KCNQ5: variants seen among roughly 807,000 people sequenced by gnomAD.
KCNQ5 encodes potassium voltage-gated channel subfamily Q member 5.
KCNQ5 carries 30 observed loss-of-function variants against 98.2 expected under a neutral mutation model. The observed-to-expected ratio is 0.31, with a 90% CI of 0.23 to 0.41. KCNQ5 has a LOEUF of 0.41. Ranked by LOEUF, KCNQ5 falls within the 10% of genes least tolerant of loss-of-function variation. The pLI, the probability that KCNQ5 is intolerant of heterozygous loss-of-function variation, is 1.00. For missense variants in KCNQ5, 835 were observed against 1,182.5 expected, an observed-to-expected ratio of 0.71 and a Z score of 4.31; for synonymous variants, 458 against 449.4, an observed-to-expected ratio of 1.02 and a Z score of -0.24.
intron 1 of KCNQ5, among the ~76,000 whole-genome samples, chr6:72,687,685 T>C (rs73756010): frequency 0.063 from 9,634 of 152,194 alleles, 1,051 homozygotes; most frequent in African/African-American, 0.22. Context: ...TTTACTTCTG[T>C]TTATATTATA....
chr6:72,629,251 GT>G (rs1254381778), intron 1 of KCNQ5, among the ~76,000 whole-genome samples: 2 of 152,134 alleles, frequency 1.3e-5, no homozygotes, highest in African/African-American at 4.8e-5. Context: ...TCTGAATTAA[GT>G]TTATGTCTGT....
At chr6:73,132,390 A>G (rs1046930127) in intron 9 of KCNQ5, among the ~76,000 whole-genome samples, 2 of 152,094 alleles carry the variant, frequency 1.3e-5, no homozygotes, top group African/African-American at 2.4e-5. Flanking sequence ...TTCACTATAA[A>G]GGAAACAAGA....
chr6:72,981,910 T>G (rs1348603430), intron 1 of KCNQ5, among the ~76,000 whole-genome samples: 2 of 152,192 alleles, frequency 1.3e-5, no homozygotes, highest in African/African-American at 2.4e-5. Flanking sequence ...ATTTCGTTAT[T>G]TACCCAGTAG....
chr6:73,101,078 A>G (rs922117241), intron 5 of KCNQ5, among the ~76,000 whole-genome samples: 1 of 152,194 alleles, frequency 6.6e-6, no homozygotes, highest in Non-Finnish European at 1.5e-5. Flanking sequence ...ACTAATACCA[A>G]TCCTGCTCAA....
chr6:73,156,501 T>C (rs1777366599), intron 10 of KCNQ5, among the ~76,000 whole-genome samples: 1 of 152,122 alleles, frequency 6.6e-6, no homozygotes, highest in Non-Finnish European at 1.5e-5. Flanking sequence ...GGTGCGCACC[T>C]GTAGTCCCAG....
At chr6:72,911,215 T>G (rs1779929801) in intron 1 of KCNQ5, among the ~76,000 whole-genome samples, 1 of 151,962 alleles carries the variant, frequency 6.6e-6, no homozygotes, top group Non-Finnish European at 1.5e-5. Context: ...AACCCCAAAT[T>G]TATGTTGAAA....
chr6:73,148,050 C>T (rs1776992746), intron 10 of KCNQ5, among the ~76,000 whole-genome samples: 1 of 151,850 alleles, frequency 6.6e-6, no homozygotes, highest in Admixed American at 6.6e-5. Flanking sequence ...AGAAAGAAAA[C>T]AAATTTTAAT....
chr6:73,026,377 C>T (rs74420136), intron 2 of KCNQ5, among the ~76,000 whole-genome samples: 2,578 of 152,288 alleles, frequency 0.017, 25 homozygotes, highest in Middle Eastern at 0.054. Flanking sequence ...CTCATTCACA[C>T]TCAGAGTTTT....
At chr6:73,192,770 C>T in intron 13 of KCNQ5, 79 bp downstream of exon 13, 2 of 1,169,252 alleles carry the variant, frequency 1.7e-6, no homozygotes, top group Non-Finnish European at 2.3e-6. Flanking sequence ...TGTATGTATT[C>T]CAGTGATTAT....
chr6:72,921,708 G>A (rs1428033465), intron 1 of KCNQ5, among the ~76,000 whole-genome samples: 2 of 152,142 alleles, frequency 1.3e-5, no homozygotes, highest in Non-Finnish European at 2.9e-5. Flanking sequence ...CACTCAGTAA[G>A]TATTTATTAA....
At chr6:72,632,088 ATTTCC>A (rs1022571308) in intron 1 of KCNQ5, among the ~76,000 whole-genome samples, 1 of 145,568 alleles carries the variant, frequency 6.9e-6, no homozygotes, top group Non-Finnish European at 1.5e-5. Flanking sequence ...ACTATATTTT[ATTTCC>A]TTTACTTTGC....
intron 10 of KCNQ5, among the ~76,000 whole-genome samples, chr6:73,167,408 G>A (rs1215620953): frequency 6.6e-6 from 1 of 152,140 alleles, no homozygotes; most frequent in Non-Finnish European, 1.5e-5. Context: ...CAATGCAAAG[G>A]GCATGGGCTT....
At chr6:73,149,521 G>T (rs1442326980) in intron 10 of KCNQ5, among the ~76,000 whole-genome samples, 1 of 152,182 alleles carries the variant, frequency 6.6e-6, no homozygotes, top group African/African-American at 2.4e-5. Flanking sequence ...TGATAGGCTG[G>T]GTGTGGTGGC....
At chr6:72,633,200 C>A (rs1048798804) in intron 1 of KCNQ5, among the ~76,000 whole-genome samples, 2 of 152,070 alleles carry the variant, frequency 1.3e-5, no homozygotes, top group African/African-American at 4.8e-5. Flanking sequence ...AGCATTTTTT[C>A]ATATGCTTGG....
intron 1 of KCNQ5, among the ~76,000 whole-genome samples, chr6:72,862,922 C>T (rs961433720): frequency 7.2e-5 from 11 of 152,218 alleles, no homozygotes; most frequent in African/African-American, 1.4e-4. Context: ...ACCACTGCAC[C>T]GGGCCACCAA....
intron 1 of KCNQ5, among the ~76,000 whole-genome samples, chr6:72,652,929 T>C (rs760824641): frequency 1.2e-4 from 19 of 152,092 alleles, no homozygotes; most frequent in Non-Finnish European, 2.4e-4. Context: ...AATTTATATA[T>C]ACGTATATAA....
intron 3 of KCNQ5, among the ~76,000 whole-genome samples, chr6:73,060,606 A>C (rs1233963077): frequency 2.6e-5 from 4 of 152,184 alleles, no homozygotes; most frequent in Non-Finnish European, 5.9e-5. Flanking sequence ...CAGCAACGTC[A>C]AAAGACAAAT....
chr6:72,881,042 A>G (rs1323652846), intron 1 of KCNQ5, among the ~76,000 whole-genome samples: 1 of 152,252 alleles, frequency 6.6e-6, no homozygotes, highest in African/African-American at 2.4e-5. Flanking sequence ...GATGATGGTA[A>G]TTATGATGAT....
intron 1 of KCNQ5, among the ~76,000 whole-genome samples, chr6:72,721,318 T>G (rs571599988): frequency 1.8e-4 from 27 of 152,310 alleles, no homozygotes; most frequent in Middle Eastern, 3.4e-3. Context: ...AAGAGTGAAT[T>G]TTGTTGCAGT....
Sources: gnomAD v4.1 joint callset for allele counts (sites outside exome capture counted in the v4.1 genomes callset) on GRCh38, gnomAD v4.1.1 for gene constraint, MANE v1.5 for transcripts, NCBI Gene and HGNC (gene_info 2026-07-23, HGNC 2026-07-21) for gene names.